SPAG16: variants seen among roughly 807,000 people sequenced by gnomAD.
SPAG16 encodes the protein sperm-associated antigen 16 protein.
A neutral mutation model predicts 80.4 loss-of-function variants in SPAG16; 86 were observed. The ratio of observed to expected loss-of-function variants is 1.07; its 90% CI spans 0.90 to 1.28. SPAG16 has a LOEUF of 1.28. SPAG16 is among the 50% of genes most tolerant of loss of function. The pLI, the probability that SPAG16 is intolerant of heterozygous loss-of-function variation, is 0.00. For missense variants in SPAG16, 870 were observed against 765.3 expected, an observed-to-expected ratio of 1.14 and a Z score of -1.61; for synonymous variants, 294 against 265.9, an observed-to-expected ratio of 1.11 and a Z score of -1.03.
At chr2:214,231,287 A>G (rs1385161099) in intron 15 of SPAG16, among the ~76,000 whole-genome samples, 1 of 152,038 alleles carries the variant, frequency 6.6e-6, no homozygotes, top group Non-Finnish European at 1.5e-5. Context: ...GGTAAAAATT[A>G]TTCAAATTAA....
chr2:213,916,998 A>G (rs570144484), intron 11 of SPAG16, among the ~76,000 whole-genome samples: 1 of 152,234 alleles, frequency 6.6e-6, no homozygotes, highest in East Asian at 1.9e-4. Flanking sequence ...GTCCAGTGTC[A>G]ATCTTTTGCA....
chr2:213,724,516 G>A (rs886483521), intron 10 of SPAG16, among the ~76,000 whole-genome samples: 2 of 152,028 alleles, frequency 1.3e-5, no homozygotes, highest in Admixed American at 1.3e-4. Context: ...AGTGGCTCAT[G>A]CCTGTAATCC....
intron 9 of SPAG16, among the ~76,000 whole-genome samples, chr2:213,380,748 C>T (rs771696531): frequency 5.3e-5 from 8 of 152,254 alleles, no homozygotes; most frequent in East Asian, 3.9e-4. Context: ...AAGAGGCCTC[C>T]GCTGTGATTC....
intron 10 of SPAG16, among the ~76,000 whole-genome samples, chr2:213,697,352 G>T (rs2065198752): frequency 6.6e-6 from 1 of 152,278 alleles, no homozygotes; most frequent in East Asian, 1.9e-4. Context: ...GTCACTCATG[G>T]TCATGTATTT....
At chr2:213,875,397 G>A (rs965020230) in intron 11 of SPAG16, among the ~76,000 whole-genome samples, 7 of 152,052 alleles carry the variant, frequency 4.6e-5, no homozygotes, top group African/African-American at 9.7e-5. Flanking sequence ...CTGAAGAAGC[G>A]AAAAGGGATA....
chr2:213,945,278 C>T (rs1046480663), intron 12 of SPAG16, among the ~76,000 whole-genome samples: 1 of 131,662 alleles, frequency 7.6e-6, no homozygotes, highest in African/African-American at 2.9e-5. Context: ...TATATATATA[C>T]ACAAACACAC....
chr2:213,625,397 TCAAAACAC>T (rs2061927138), intron 10 of SPAG16, among the ~76,000 whole-genome samples: 2 of 152,042 alleles, frequency 1.3e-5, no homozygotes, highest in African/African-American at 4.8e-5. Flanking sequence ...CATGCCTGTA[TCAAAACAC>T]CTCGTGTACC....
chr2:213,459,706 G>T (rs1029341072), intron 9 of SPAG16, among the ~76,000 whole-genome samples: 6 of 152,222 alleles, frequency 3.9e-5, no homozygotes, highest in African/African-American at 1.4e-4. Context: ...AACTCTAAGT[G>T]CAAGGCTCAT....
At chr2:214,164,132 C>G (rs1444671369) in intron 15 of SPAG16, among the ~76,000 whole-genome samples, 1 of 152,000 alleles carries the variant, frequency 6.6e-6, no homozygotes, top group Non-Finnish European at 1.5e-5. Flanking sequence ...TTACTATGCC[C>G]TATTCTAGAC....
At chr2:213,710,159 C>T (rs1297545788) in intron 10 of SPAG16, among the ~76,000 whole-genome samples, 1 of 151,996 alleles carries the variant, frequency 6.6e-6, no homozygotes, top group Non-Finnish European at 1.5e-5. Context: ...TGGCACATGC[C>T]TGTAGTCTCA....
intron 14 of SPAG16, among the ~76,000 whole-genome samples, chr2:214,142,123 G>A (rs79533533): frequency 0.035 from 5,220 of 151,290 alleles, 243 homozygotes; most frequent in East Asian, 0.18. Flanking sequence ...TCCAGATTGT[G>A]ATATTCCAAT....
intron 10 of SPAG16, among the ~76,000 whole-genome samples, chr2:213,518,265 C>A (rs2075520934): frequency 6.6e-6 from 1 of 152,142 alleles, no homozygotes; most frequent in African/African-American, 2.4e-5. Context: ...GTACACCAGG[C>A]AGAATGGCTA....
intron 1 of SPAG16, among the ~76,000 whole-genome samples, chr2:213,290,310 C>T (rs1424309194): frequency 6.6e-6 from 1 of 152,146 alleles, no homozygotes; most frequent in Non-Finnish European, 1.5e-5. Context: ...CAGTCTGTGT[C>T]TAGGTTATGA....
chr2:213,826,870 A>T (rs1366630011), intron 10 of SPAG16, among the ~76,000 whole-genome samples: 1 of 151,924 alleles, frequency 6.6e-6, no homozygotes, highest in Non-Finnish European at 1.5e-5. Flanking sequence ...ATTGGAGTCT[A>T]TCTTTTTATC....
intron 9 of SPAG16, among the ~76,000 whole-genome samples, chr2:213,482,196 T>G (rs6720429): frequency 0.097 from 14,826 of 152,266 alleles, 1,886 homozygotes; most frequent in African/African-American, 0.29. Flanking sequence ...GGATGGGAGT[T>G]CCTGCCCCAT....
At chr2:213,956,678 C>T (rs1489108133) in intron 12 of SPAG16, among the ~76,000 whole-genome samples, 2 of 151,942 alleles carry the variant, frequency 1.3e-5, no homozygotes, top group African/African-American at 4.8e-5. Flanking sequence ...AAACTCCTGA[C>T]CCCAAGTGAT....
At chr2:213,329,777 C>T (rs964018678) in intron 5 of SPAG16, among the ~76,000 whole-genome samples, 4 of 152,100 alleles carry the variant, frequency 2.6e-5, no homozygotes, top group South Asian at 2.1e-4. Context: ...GAGACCTTTG[C>T]GACAACCCCT....
chr2:214,403,323 ATATT>A (rs1040289059), intron 15 of SPAG16, among the ~76,000 whole-genome samples: 2 of 148,916 alleles, frequency 1.3e-5, no homozygotes, highest in African/African-American at 2.4e-5. Flanking sequence ...TAAAATTGAT[ATATT>A]TATTTATATA....
chr2:214,105,925 T>C (rs995407722), intron 13 of SPAG16, among the ~76,000 whole-genome samples: 1 of 152,152 alleles, frequency 6.6e-6, no homozygotes, highest in Non-Finnish European at 1.5e-5. Flanking sequence ...GGTTTTGTTA[T>C]AGCAGCACAA....
Sources: gnomAD v4.1 joint callset for allele counts (sites outside exome capture counted in the v4.1 genomes callset) on GRCh38, gnomAD v4.1.1 for gene constraint, MANE v1.5 for transcripts, NCBI Gene and HGNC (gene_info 2026-07-23, HGNC 2026-07-21) for gene names.